The following FAM107A variants were observed in gnomAD, a reference collection of about 807,000 sequenced individuals.
The protein encoded by FAM107A is actin-associated protein FAM107A.
FAM107A carries 19 observed loss-of-function variants against 13.7 expected under a neutral mutation model. The ratio of observed to expected loss-of-function variants is 1.38; its 90% CI spans 0.97 to 2.03. The LOEUF (loss-of-function observed/expected upper bound fraction) is 2.03, where lower values mean the gene tolerates loss of function less well. FAM107A is among the 30% of genes most tolerant of loss of function. The probability of loss-of-function intolerance (pLI) is 0.00; values close to 1 mark genes in which losing one functional copy is unlikely to be tolerated. For synonymous variants in FAM107A, 82 were observed against 74.5 expected (o/e 1.10, Z -0.52); for missense variants, 203 against 184.4 (o/e 1.10, Z -0.58).
intron 1 of FAM107A, among the ~76,000 whole-genome samples, chr3:58,573,871 AC>A (rs1559476455): frequency 6.6e-6 from 1 of 152,200 alleles, no homozygotes; most frequent in East Asian, 1.9e-4. Flanking sequence ...TTCCCACTGA[AC>A]AGCAGAGTTG....
At position 58,566,453 on chromosome 3, in the gene FAM107A, T is replaced by A; in HGVS notation, c.*135A>T. The A allele has an allele frequency of 4.5e-6, 3 of 669,642 alleles. No homozygotes were observed. The highest frequency in any genetic ancestry group is 7.6e-6 in the Non-Finnish European group (3 of 392,262). 41.5% of individuals were successfully genotyped at this position (669,642 alleles called of 1,614,324 possible). On this transcript the variant is annotated 3_prime_UTR_variant, in exon 4 of 4. Transcript: ENST00000360997. ...CCAGGGAGAGCCAGGCCCTCTGGGG[T>A]GACACATTTCTACAGAAGCAGGTGG...
intron 1 of FAM107A, chr3:58,609,193 C>T (rs1299946397): frequency 6.6e-6 from 1 of 152,174 alleles, no homozygotes; most frequent in African/African-American, 2.4e-5. Flanking sequence ...CCATCCCAGC[C>T]ACTCTCTTCT....
chr3:58,596,096 A>G (rs2065705086), intron 1 of FAM107A, among the ~76,000 whole-genome samples: 1 of 152,244 alleles, frequency 6.6e-6, no homozygotes, highest in South Asian at 2.1e-4. Flanking sequence ...TCCCTGAGGC[A>G]AAGACATCTG....
rs149510986 is a variant in FAM107A, at chr3:58,572,129, C to T, written c.-5-2264G>A. ...CACAAAATCAAGAGCTCCTGAGTAA[C>T]GGGAATGACCACTGAGAAAGTGCGT... On this transcript the variant is annotated intron_variant, in intron 1 of 3. Coordinates refer to ENST00000360997, the MANE Select transcript of FAM107A (RefSeq NM_001076778.3). Among the ~76,000 whole-genome samples, 35 of 152,184 alleles carry T rather than the reference C, an allele frequency of 2.3e-4. 1 individual carries two copies. The East Asian group carries it at 6.4e-3, about 28-fold the overall frequency.
chr3:58,570,182 T>C, intron 1 of FAM107A: 2 of 252,048 alleles, frequency 7.9e-6, no homozygotes, highest in Non-Finnish European at 1.3e-5. Context: ...TTTGCAACAG[T>C]TTTCGCCCAC....
In FAM107A at chr3:58,567,223, C is replaced by T. The variant is rs1139701; in HGVS notation, c.312G>A (p.Gln104=). The change falls in exon 3 of 4, where the codon CAG becomes CAA. Residue 104 remains glutamine, a synonymous_variant. Coordinates refer to ENST00000360997, the MANE Select transcript of FAM107A (RefSeq NM_001076778.3). ...CPFEQELLRR[Q]QRLNQLEKPP... is the part of the protein sequence containing the mutation. ...CATCACCCACCTGGTTCAGCCTCTG[C>T]TGCCGTCTCAGCAGCTCCTGCTCAA... The T allele has an allele frequency of 0.046, 74,243 of 1,614,134 alleles. 1,949 individuals are homozygous for T. Among genetic ancestry groups the T allele is most frequent in the Non-Finnish European group, 0.053 (62,435 of 1,180,012 alleles).
At chr3:58,595,697 C>T (rs113025684) in intron 1 of FAM107A, among the ~76,000 whole-genome samples, 7 of 143,778 alleles carry the variant, frequency 4.9e-5, no homozygotes, top group East Asian at 2.3e-4. Flanking sequence ...AGCCTTGTTG[C>T]GTGCACACAC....
At chr3:58,594,221 T>C (rs1384884902) in intron 1 of FAM107A, among the ~76,000 whole-genome samples, 1 of 152,226 alleles carries the variant, frequency 6.6e-6, no homozygotes, top group Non-Finnish European at 1.5e-5. Context: ...CAGTTACTAT[T>C]GCTTAGGAAG....
intron 1 of FAM107A, among the ~76,000 whole-genome samples, chr3:58,616,768 C>T (rs915552018): frequency 5.3e-5 from 8 of 151,984 alleles, no homozygotes; most frequent in African/African-American, 1.4e-4. Flanking sequence ...CTGTTGTTTT[C>T]GGCTCCCCAG....
Position 58,592,330 on chromosome 3 carries a change from A to C in FAM107A, c.-69-3061T>G, listed in dbSNP as rs1046971984. 1.1e-4 allele frequency among the ~76,000 whole-genome samples: 16 copies of C among 152,148 alleles called. 1 individual carries two copies. The highest frequency in any genetic ancestry group is 7.9e-4 in the Admixed American group (12 of 15,282). On this transcript the variant is annotated intron_variant, in intron 1 of 3. Transcript: ENST00000465970. ...CATCACAAAGCCAGAATTTCAGAAGAAGCAGCTCCCAGACCTGGAGTTCAA... is the reference window on the plus strand; with the variant it reads ...CATCACAAAGCCAGAATTTCAGAAGCAGCAGCTCCCAGACCTGGAGTTCAA...
At chr3:58,573,295 G>A (rs2063702227) in intron 1 of FAM107A, among the ~76,000 whole-genome samples, 1 of 152,232 alleles carries the variant, frequency 6.6e-6, no homozygotes, top group Non-Finnish European at 1.5e-5. Flanking sequence ...GACTTAGAAA[G>A]CTGAGCCAGC....
chr3:58,606,539 G>A (rs1280219152), intron 1 of FAM107A, among the ~76,000 whole-genome samples: 1 of 152,222 alleles, frequency 6.6e-6, no homozygotes, highest in Non-Finnish European at 1.5e-5. Flanking sequence ...CTGCCCCTTA[G>A]GGAATGCTAT....
At chr3:58,592,390 C>G (rs2065661165) in intron 1 of FAM107A, among the ~76,000 whole-genome samples, 1 of 152,148 alleles carries the variant, frequency 6.6e-6, no homozygotes, top group Non-Finnish European at 1.5e-5. Flanking sequence ...TTGACCCTGC[C>G]TAGGACTGGC....
At chr3:58,570,831 T>C (rs2063676568) in intron 1 of FAM107A, among the ~76,000 whole-genome samples, 1 of 152,252 alleles carries the variant, frequency 6.6e-6, no homozygotes, top group Non-Finnish European at 1.5e-5. Flanking sequence ...CAGTAGGCGA[T>C]CAATACACAT....
intron 2 of FAM107A, among the ~76,000 whole-genome samples, chr3:58,567,995 G>A (rs1472660384): frequency 6.6e-6 from 1 of 152,074 alleles, no homozygotes; most frequent in African/African-American, 2.4e-5. Flanking sequence ...GGAGTGCAGT[G>A]GTGCAATCAT....
intron 1 of FAM107A, among the ~76,000 whole-genome samples, chr3:58,597,002 C>T (rs1043822313): frequency 2.6e-5 from 4 of 152,156 alleles, no homozygotes; most frequent in African/African-American, 9.7e-5. Flanking sequence ...TGAGATTCAT[C>T]AGTGTGGCTG....
At chr3:58,586,517 G>T (rs918506700) in intron 1 of FAM107A, among the ~76,000 whole-genome samples, 7 of 151,906 alleles carry the variant, frequency 4.6e-5, no homozygotes, top group South Asian at 2.1e-4. Context: ...GGGAGAACTC[G>T]TCCCTACAAA....
intron 1 of FAM107A, among the ~76,000 whole-genome samples, chr3:58,623,608 T>G (rs1054277564): frequency 2.6e-5 from 4 of 152,224 alleles, no homozygotes; most frequent in African/African-American, 9.6e-5. Flanking sequence ...CGACAGGGGC[T>G]CCAGGTGGGA....
intron 1 of FAM107A, among the ~76,000 whole-genome samples, chr3:58,597,860 C>T (rs965863059): frequency 4.6e-5 from 7 of 152,160 alleles, no homozygotes; most frequent in African/African-American, 1.2e-4. Flanking sequence ...TGGCAAGTGG[C>T]AGCTTTGTAA....
Sources: allele counts gnomAD v4.1 joint callset (sites outside exome capture counted in the v4.1 genomes callset), GRCh38; gene constraint gnomAD v4.1.1; transcripts MANE v1.5; gene names NCBI Gene and HGNC (gene_info 2026-07-23, HGNC 2026-07-21).